TBC1D32: variants seen among roughly 807,000 people sequenced by gnomAD.
The protein encoded by TBC1D32 is TBC1 domain family member 32, also known as protein broad-minded.
Under a neutral mutation model 170.3 loss-of-function variants are expected in TBC1D32, and 151 were observed. That is an observed-to-expected ratio of 0.89 (90% CI 0.78 to 1.01). The LOEUF (loss-of-function observed/expected upper bound fraction) is 1.01, where lower values mean the gene tolerates loss of function less well. TBC1D32 is among the 50% of genes least tolerant of loss of function. TBC1D32 has a pLI of 0.00. For missense variants in TBC1D32, 1,464 were observed against 1,457.1 expected (o/e 1.00, Z -0.08); for synonymous variants, 498 against 488.0 (o/e 1.02, Z -0.27).
chr6:121,327,974 C>T (rs1165224241), intron 1 of TBC1D32, among the ~76,000 whole-genome samples: 1 of 152,112 alleles, frequency 6.6e-6, no homozygotes. Context: ...CACAAAAGCT[C>T]TCTGAAAAAC....
At chr6:121,221,418 C>G (rs11154005) in intron 21 of TBC1D32, among the ~76,000 whole-genome samples, 61,803 of 152,102 alleles carry the variant, frequency 0.41, 15,832 homozygotes, top group Non-Finnish European at 0.58. Flanking sequence ...GTAATTTTGA[C>G]TTTCAAATAT....
In TBC1D32 at chr6:121,208,736, A is replaced by AAAAAAAAC. The variant is rs1274701182; in HGVS notation, c.2482-3574_2482-3573insGTTTTTTT. ...CAAGACACGAAACACCTGGAAAAAA[A>AAAAAAAAC]AAAAAAAAAAACAGAAATTAAACCA... On this transcript the variant is annotated intron_variant, in intron 21 of 31. Transcript: ENST00000398212. Among the ~76,000 whole-genome samples the AAAAAAAAC allele has an allele frequency of 8.0e-5, 12 of 150,796 alleles. 1 individual carries two copies. The highest frequency in any genetic ancestry group is 7.8e-4 in the East Asian group (4 of 5,140).
intron 15 of TBC1D32, among the ~76,000 whole-genome samples, chr6:121,265,127 T>A (rs1488072580): frequency 2.0e-5 from 3 of 152,122 alleles, no homozygotes; most frequent in African/African-American, 7.2e-5. Flanking sequence ...TCAAATTGTC[T>A]CTGTTTGCAG....
chr6:121,155,187 T>A (rs1784724592), intron 24 of TBC1D32, among the ~76,000 whole-genome samples: 1 of 152,176 alleles, frequency 6.6e-6, no homozygotes, highest in Non-Finnish European at 1.5e-5. Context: ...CAGCAATGTT[T>A]GTAGTTCTCC....
At chr6:121,126,095 G>A (rs899718774) in intron 26 of TBC1D32, among the ~76,000 whole-genome samples, 6 of 152,110 alleles carry the variant, frequency 3.9e-5, no homozygotes, top group Admixed American at 3.9e-4. Context: ...GACCACTAGG[G>A]AATAAATGAT....
intron 15 of TBC1D32, among the ~76,000 whole-genome samples, chr6:121,268,007 A>T (rs1301036523): frequency 6.6e-6 from 1 of 152,032 alleles, no homozygotes; most frequent in Non-Finnish European, 1.5e-5. Context: ...TCTGGAGTGG[A>T]CCTCCAGCAA....
intron 30 of TBC1D32, 67 bp downstream of exon 30, chr6:121,105,956 G>A: frequency 7.0e-7 from 1 of 1,418,744 alleles, no homozygotes. Context: ...TATTTGATGA[G>A]AACACAGTTT....
chr6:121,277,853 A>G (rs1417865187), intron 15 of TBC1D32, among the ~76,000 whole-genome samples: 4 of 151,794 alleles, frequency 2.6e-5, no homozygotes, highest in African/African-American at 4.8e-5. Context: ...AGTAAAATTT[A>G]TAAGCCTCTA....
upstream of TBC1D32, chr6:121,334,544 G>A (rs531335511): frequency 7.7e-6 from 10 of 1,291,162 alleles, no homozygotes; most frequent in South Asian, 1.5e-4. Context: ...GTCGTTCCCA[G>A]GGATACCGCG....
At chr6:121,195,234 T>C (rs535117064) in intron 22 of TBC1D32, among the ~76,000 whole-genome samples, 4 of 152,284 alleles carry the variant, frequency 2.6e-5, no homozygotes, top group Middle Eastern at 3.4e-3. Flanking sequence ...CTCTGCCACT[T>C]GGGCCATATG....
chr6:121,124,881 T>G (rs1018507150), intron 26 of TBC1D32, among the ~76,000 whole-genome samples: 1 of 152,204 alleles, frequency 6.6e-6, no homozygotes, highest in Non-Finnish European at 1.5e-5. Context: ...GGTTAATTTT[T>G]AAGAATGATT....
intron 24 of TBC1D32, among the ~76,000 whole-genome samples, chr6:121,154,337 C>G (rs761949139): frequency 2.6e-5 from 4 of 152,154 alleles, no homozygotes; most frequent in Non-Finnish European, 5.9e-5. Flanking sequence ...TCTAACCAGT[C>G]CCAGTGAGAT....
At chr6:121,187,840 T>G (rs577337136) in intron 22 of TBC1D32, among the ~76,000 whole-genome samples, 41 of 151,930 alleles carry the variant, frequency 2.7e-4, no homozygotes, top group African/African-American at 9.7e-4. Flanking sequence ...TCTGATGCCC[T>G]TTAGCTGGTT....
intron 12 of TBC1D32, among the ~76,000 whole-genome samples, chr6:121,286,179 C>G (rs1367693037): frequency 6.6e-6 from 1 of 152,022 alleles, no homozygotes; most frequent in Non-Finnish European, 1.5e-5. Flanking sequence ...TTCAGAAGAT[C>G]AAACTACTCC....
chr6:121,152,487 C>A (rs1358372072), intron 24 of TBC1D32, among the ~76,000 whole-genome samples: 1 of 152,032 alleles, frequency 6.6e-6, no homozygotes, highest in Non-Finnish European at 1.5e-5. Flanking sequence ...TGGGGTTGCT[C>A]TTCTCAAGGA....
chr6:121,306,823 T>A (rs1807388673), intron 5 of TBC1D32, among the ~76,000 whole-genome samples: 1 of 152,296 alleles, frequency 6.6e-6, no homozygotes, highest in Non-Finnish European at 1.5e-5. Flanking sequence ...TTTTACAATT[T>A]TAGAAACTTT....
chr6:121,112,728 A>T, intron 28 of TBC1D32, 69 bp from the exon 29 acceptor site: 1 of 1,239,896 alleles, frequency 8.1e-7, no homozygotes, highest in Non-Finnish European at 1.1e-6. Context: ...TGTAAATAAA[A>T]TAAAATGAAT....
intron 30 of TBC1D32, among the ~76,000 whole-genome samples, chr6:121,103,808 T>G (rs1316008358): frequency 6.6e-6 from 1 of 151,940 alleles, no homozygotes; most frequent in Non-Finnish European, 1.5e-5. Flanking sequence ...TAACGTAGAT[T>G]AGAAAAGCAA....
In TBC1D32 at chr6:121,156,340, A is replaced by G. The variant is rs117980307; in HGVS notation, c.2773+3670T>C. 1.1e-3 allele frequency among the ~76,000 whole-genome samples: 167 copies of G among 151,102 alleles called. 1 individual carries two copies. The highest frequency in any genetic ancestry group is 3.4e-3 in the Middle Eastern group (1 of 292). Reference sequence around the variant, plus strand: ...GTCTCTTTGTATTTTGATCTTTTGTATTTCTGTGGGATCAGTTGTAATGTC... The same window carrying G: ...GTCTCTTTGTATTTTGATCTTTTGTGTTTCTGTGGGATCAGTTGTAATGTC... On this transcript the variant is annotated intron_variant, in intron 24 of 31. Coordinates refer to ENST00000398212, the MANE Select transcript of TBC1D32 (RefSeq NM_152730.6).
Sources: allele counts gnomAD v4.1 joint callset (sites outside exome capture counted in the v4.1 genomes callset), GRCh38; gene constraint gnomAD v4.1.1; transcripts MANE v1.5; gene names NCBI Gene and HGNC (gene_info 2026-07-23, HGNC 2026-07-21).